MGAM2: variants seen among roughly 807,000 people sequenced by gnomAD.
MGAM2 encodes probable maltase-glucoamylase 2.
Under a neutral mutation model 96.1 loss-of-function variants are expected in MGAM2, and 98 were observed. The ratio of observed to expected loss-of-function variants is 1.02; its 90% CI spans 0.87 to 1.21. The LOEUF (loss-of-function observed/expected upper bound fraction) is 1.21. MGAM2 is among the 50% of genes most tolerant of loss of function. The pLI is 0.00. For missense variants in MGAM2, 2,055 were observed against 1,182.4 expected, an observed-to-expected ratio of 1.74 and a Z score of -10.82; for synonymous variants, 749 against 414.8, an observed-to-expected ratio of 1.81 and a Z score of -9.79.
In MGAM2 at chr7:142,154,497, A is replaced by C. The variant is rs372890403; in HGVS notation, c.1807-232A>C. Among the ~76,000 whole-genome samples, 3 of 152,208 alleles carry C rather than the reference A, an allele frequency of 2.0e-5. No homozygotes were observed. In the East Asian group the frequency reaches 5.8e-4, roughly 29 times the overall value. ...AAGAAAGTATGAAATTGGGAACTGAATATTAAGGAACAGCCTCAACACAAG... is the reference window on the plus strand; with the variant it reads ...AAGAAAGTATGAAATTGGGAACTGACTATTAAGGAACAGCCTCAACACAAG... On this transcript the variant is annotated intron_variant, in intron 16 of 47. Transcript: ENST00000477922.
chr7:142,113,528 T>G (rs1488603449), intron 1 of MGAM2, among the ~76,000 whole-genome samples: 1 of 105,148 alleles, frequency 9.5e-6, no homozygotes, highest in East Asian at 4.9e-4. Flanking sequence ...ATTCCTAGGT[T>G]TTTTTTTTAT....
chr7:142,141,678 T>C (rs1795235050), intron 12 of MGAM2, among the ~76,000 whole-genome samples: 2 of 152,098 alleles, frequency 1.3e-5, no homozygotes, highest in African/African-American at 4.8e-5. Context: ...TTTTGTATTT[T>C]TAGTAGAGAC....
At chr7:142,181,289 G>C (rs548508179) in intron 32 of MGAM2, among the ~76,000 whole-genome samples, 78 of 152,248 alleles carry the variant, frequency 5.1e-4, no homozygotes, top group African/African-American at 1.7e-3. Context: ...CTTCATTTCT[G>C]GGTGCTTTCA....
chr7:142,215,210 C>T (rs1797719408), intron 46 of MGAM2, among the ~76,000 whole-genome samples: 1 of 152,104 alleles, frequency 6.6e-6, no homozygotes, highest in Admixed American at 6.5e-5. Context: ...AACAGAAAAC[C>T]AAACACTGCA....
chr7:142,212,843 C>A (rs1797631295), intron 46 of MGAM2, among the ~76,000 whole-genome samples: 1 of 152,176 alleles, frequency 6.6e-6, no homozygotes, highest in South Asian at 2.1e-4. Flanking sequence ...ATGTAATAGA[C>A]ATCTACAGAA....
At chr7:142,161,846 A>C in intron 22 of MGAM2, 109 bp from the exon 23 acceptor site, 1 of 526,848 alleles carries the variant, frequency 1.9e-6, no homozygotes, top group Non-Finnish European at 3.3e-6. Flanking sequence ...AACTCAGATG[A>C]GCAGAACTAG....
chr7:142,174,644 G>T (rs750467506), intron 31 of MGAM2, among the ~76,000 whole-genome samples: 8 of 149,730 alleles, frequency 5.3e-5, no homozygotes, highest in Non-Finnish European at 8.9e-5. Context: ...ACAGGATTAT[G>T]TCATCTGCGA....
At chr7:142,144,505 G>C (rs1187016284) in intron 13 of MGAM2, among the ~76,000 whole-genome samples, 1 of 152,188 alleles carries the variant, frequency 6.6e-6, no homozygotes, top group Non-Finnish European at 1.5e-5. Flanking sequence ...CAATAGAAAT[G>C]TTAGTTTATC....
At chr7:142,167,941 C>T (rs1031665573) in intron 26 of MGAM2, among the ~76,000 whole-genome samples, 11 of 152,114 alleles carry the variant, frequency 7.2e-5, no homozygotes, top group South Asian at 6.2e-4. Context: ...AGGTAAAGGT[C>T]GGAAAGTAGA....
Position 142,111,746 on chromosome 7 carries a change from C to T in MGAM2, c.-62C>T, listed in dbSNP as rs1282240886. The T allele has an allele frequency of 6.6e-6, 1 of 152,146 alleles. No homozygotes were observed. Among genetic ancestry groups the T allele is most frequent in the Non-Finnish European group, 1.5e-5 (1 of 68,036 alleles). 9.4% of individuals were successfully genotyped at this position (152,146 alleles called of 1,614,324 possible). A position where few individuals can be genotyped will look rare whatever the true frequency, so the allele number is the denominator to read the frequency against. The stretch of plus-strand genomic sequence containing the variant: ...GGCTACCTCAGCCCAGTTACCTTTG[C>T]TCAGTGCTCCCTATGAATTGCTGAG... On this transcript the variant is annotated 5_prime_UTR_variant, in exon 1 of 48. Coordinates refer to ENST00000477922, the MANE Select transcript of MGAM2 (RefSeq NM_001293626.2).
chr7:142,117,824 T>G (rs915398685), intron 2 of MGAM2, among the ~76,000 whole-genome samples: 1 of 152,228 alleles, frequency 6.6e-6, no homozygotes, highest in Non-Finnish European at 1.5e-5. Flanking sequence ...TGCTATCCAG[T>G]GTATATGACT....
At chr7:142,161,876 C>A in intron 22 of MGAM2, 79 bp from the exon 23 acceptor site, 1 of 569,646 alleles carries the variant, frequency 1.8e-6, no homozygotes, top group Non-Finnish European at 3.1e-6. Context: ...AAAGGAATTC[C>A]AGATGAAATG....
intron 32 of MGAM2, among the ~76,000 whole-genome samples, 188 bp downstream of exon 32, chr7:142,175,968 A>C (rs1188186976): frequency 2.6e-5 from 4 of 152,116 alleles, no homozygotes; most frequent in African/African-American, 9.7e-5. Flanking sequence ...AAATGAAAGA[A>C]AGAAATGAAA....
chr7:142,186,233 G>A (rs1796695929), intron 35 of MGAM2, 110 bp downstream of exon 35: 2 of 624,432 alleles, frequency 3.2e-6, no homozygotes, highest in Admixed American at 5.3e-5. Flanking sequence ...AGATGAAAGG[G>A]AGAATCTAGG....
At chr7:142,169,716 GCACA>G (rs144134032) in intron 26 of MGAM2, among the ~76,000 whole-genome samples, 5 of 150,936 alleles carry the variant, frequency 3.3e-5, no homozygotes, top group African/African-American at 9.7e-5. Flanking sequence ...TAACATGCAT[GCACA>G]CACACACACA....
At chr7:142,123,249 C>T (rs1056692472) in intron 3 of MGAM2, among the ~76,000 whole-genome samples, 1 of 150,612 alleles carries the variant, frequency 6.6e-6, no homozygotes, top group Admixed American at 6.6e-5. Flanking sequence ...TTTTACAGCA[C>T]GATTCAAAAA....
intron 46 of MGAM2, among the ~76,000 whole-genome samples, chr7:142,211,947 T>C (rs916378882): frequency 1.3e-5 from 2 of 152,158 alleles, no homozygotes; most frequent in African/African-American, 4.8e-5. Context: ...GAGAGGAAGG[T>C]TGGGTTACCC....
chr7:142,135,129 G>A (rs1459263617), intron 7 of MGAM2, among the ~76,000 whole-genome samples: 3 of 152,188 alleles, frequency 2.0e-5, no homozygotes, highest in Non-Finnish European at 4.4e-5. Context: ...ATGGTGCAAG[G>A]GAGAGAGCTG....
At chr7:142,207,787 G>A (rs984214933) in intron 45 of MGAM2, among the ~76,000 whole-genome samples, 16 of 152,234 alleles carry the variant, frequency 1.1e-4, no homozygotes, top group East Asian at 5.8e-4. Flanking sequence ...GTAGTAGCTC[G>A]ATATAAATAG....
Sources: allele counts gnomAD v4.1 joint callset (sites outside exome capture counted in the v4.1 genomes callset), GRCh38; gene constraint gnomAD v4.1.1; transcripts MANE v1.5; gene names NCBI Gene and HGNC (gene_info 2026-07-23, HGNC 2026-07-21).